The following ASTN2 variants were observed in gnomAD, a reference collection of about 807,000 sequenced individuals.
The protein encoded by ASTN2 is astrotactin-2.
ASTN2 carries 54 observed loss-of-function variants against 139.8 expected under a neutral mutation model. The ratio of observed to expected loss-of-function variants is 0.39; its 90% confidence interval spans 0.31 to 0.48. The LOEUF (loss-of-function observed/expected upper bound fraction) is 0.48. Among genes scored for constraint, ASTN2 ranks in the 20% least tolerant of loss-of-function variants. The probability of loss-of-function intolerance (pLI) is 0.95; values close to 1 mark genes in which losing one functional copy is unlikely to be tolerated. For synonymous variants in ASTN2, 756 were observed against 719.5 expected (o/e 1.05, Z -0.81); for missense variants, 1,565 against 1,725.1 (o/e 0.91, Z 1.64).
chr9:117,365,339 GAGAAA>G (rs535254317), intron 1 of ASTN2, among the ~76,000 whole-genome samples: 75 of 147,226 alleles, frequency 5.1e-4, no homozygotes, highest in Non-Finnish European at 7.4e-4. Flanking sequence ...GAAAGAAAGA[GAGAAA>G]AGAAAAGAAA....
chr9:117,283,528 T>C (rs1043506348), intron 2 of ASTN2, among the ~76,000 whole-genome samples: 3 of 152,240 alleles, frequency 2.0e-5, no homozygotes, highest in Non-Finnish European at 4.4e-5. Flanking sequence ...GCAATTGATA[T>C]AAGCTTGGTA....
intron 4 of ASTN2, among the ~76,000 whole-genome samples, chr9:117,100,922 G>A (rs543704495): frequency 1.5e-4 from 23 of 152,222 alleles, no homozygotes; most frequent in Non-Finnish European, 2.6e-4. Flanking sequence ...AGTCAGACAT[G>A]AGTTCTAGTT....
intron 3 of ASTN2, 143 bp downstream of exon 3, chr9:117,214,215 C>T: frequency 9.9e-7 from 1 of 1,006,214 alleles, no homozygotes; most frequent in South Asian, 1.9e-5. Flanking sequence ...AACTTGATAA[C>T]CCAACAGAAA....
At chr9:116,600,367 A>G (rs1430960372) in intron 19 of ASTN2, among the ~76,000 whole-genome samples, 1 of 151,764 alleles carries the variant, frequency 6.6e-6, no homozygotes, top group Non-Finnish European at 1.5e-5. Context: ...AAAGAAAGAA[A>G]AAGAAAAAGA....
At chr9:116,490,456 G>A (rs1330004391) in intron 19 of ASTN2, among the ~76,000 whole-genome samples, 1 of 151,930 alleles carries the variant, frequency 6.6e-6, no homozygotes, top group Non-Finnish European at 1.5e-5. Flanking sequence ...ATGTCTGTCT[G>A]CTTTTCAATT....
intron 5 of ASTN2, among the ~76,000 whole-genome samples, chr9:117,045,956 G>T (rs888351452): frequency 1.1e-4 from 5 of 43,782 alleles, no homozygotes; most frequent in South Asian, 1.1e-3. Flanking sequence ...CTGGGCTTTT[G>T]TATGTATGTA....
chr9:116,648,735 CA>C (rs1488767252), intron 17 of ASTN2, among the ~76,000 whole-genome samples: 1 of 152,070 alleles, frequency 6.6e-6, no homozygotes, highest in Non-Finnish European at 1.5e-5. Flanking sequence ...AATCTACCAC[CA>C]AAAACACCAG....
chr9:116,567,353 G>A (rs1853286443), intron 19 of ASTN2, among the ~76,000 whole-genome samples: 1 of 152,176 alleles, frequency 6.6e-6, no homozygotes, highest in African/African-American at 2.4e-5. Context: ...CTCTCTGGGT[G>A]GCACCCTTGA....
intron 10 of ASTN2, among the ~76,000 whole-genome samples, chr9:116,931,824 T>C (rs1249826921): frequency 1.3e-5 from 2 of 152,148 alleles, no homozygotes; most frequent in Non-Finnish European, 2.9e-5. Flanking sequence ...GGTTGAGTAA[T>C]TTCAGGAAAA....
intron 1 of ASTN2, among the ~76,000 whole-genome samples, chr9:117,314,811 AT>A (rs1229049409): frequency 6.9e-6 from 1 of 145,744 alleles, no homozygotes; most frequent in African/African-American, 2.5e-5. Context: ...TATACTATAT[AT>A]TTTATATAAC....
chr9:117,397,449 A>C (rs2130955680), intron 1 of ASTN2, among the ~76,000 whole-genome samples: 1 of 152,100 alleles, frequency 6.6e-6, no homozygotes, highest in South Asian at 2.1e-4. Flanking sequence ...GAATCATAAA[A>C]CTCTAGAAAA....
At chr9:117,072,174 A>G (rs1828154544) in intron 5 of ASTN2, among the ~76,000 whole-genome samples, 1 of 152,160 alleles carries the variant, frequency 6.6e-6, no homozygotes, top group Non-Finnish European at 1.5e-5. Context: ...CCTACAAGAT[A>G]CCCCCTAGTC....
chr9:116,643,044 A>T (rs112719745), intron 17 of ASTN2, among the ~76,000 whole-genome samples: 3,616 of 152,294 alleles, frequency 0.024, 141 homozygotes, highest in African/African-American at 0.082. Context: ...TCTTAAGTAA[A>T]TTATTCACCT....
chr9:116,562,925 C>T (rs1327046478), intron 19 of ASTN2, among the ~76,000 whole-genome samples: 1 of 152,060 alleles, frequency 6.6e-6, no homozygotes, highest in Non-Finnish European at 1.5e-5. Context: ...AGAAAGTATG[C>T]TTGGTCTTAA....
At chr9:116,537,850 A>G (rs934464332) in intron 19 of ASTN2, among the ~76,000 whole-genome samples, 10 of 152,198 alleles carry the variant, frequency 6.6e-5, no homozygotes, top group African/African-American at 2.4e-4. Flanking sequence ...CTGAGCCATG[A>G]AAGCAGGGAT....
intron 12 of ASTN2, among the ~76,000 whole-genome samples, chr9:116,810,253 T>G (rs1480209430): frequency 1.3e-5 from 2 of 152,236 alleles, no homozygotes; most frequent in Non-Finnish European, 2.9e-5. Context: ...AGTTTTTGAC[T>G]TTTTGTTATA....
intron 22 of ASTN2, among the ~76,000 whole-genome samples, chr9:116,428,850 T>C (rs1038812980): frequency 6.6e-6 from 1 of 152,230 alleles, no homozygotes; most frequent in African/African-American, 2.4e-5. Context: ...CATAAAGTGT[T>C]ATTTTTTAAA....
At chr9:116,624,603 C>T (rs760301307) in intron 17 of ASTN2, among the ~76,000 whole-genome samples, 2 of 152,210 alleles carry the variant, frequency 1.3e-5, no homozygotes. Flanking sequence ...AACATCTACA[C>T]AGAATGTCAC....
chr9:116,514,743 G>A (rs1850563611), intron 19 of ASTN2, among the ~76,000 whole-genome samples: 1 of 152,202 alleles, frequency 6.6e-6, no homozygotes, highest in African/African-American at 2.4e-5. Context: ...TTCGATCTCA[G>A]ACTGCTGTGC....
Sources: gnomAD v4.1 joint callset for allele counts (sites outside exome capture counted in the v4.1 genomes callset) on GRCh38, gnomAD v4.1.1 for gene constraint, MANE v1.5 for transcripts, NCBI Gene and HGNC (gene_info 2026-07-23, HGNC 2026-07-21) for gene names.